Variants in DOCK10 observed in about 807,000 individuals in gnomAD.
DOCK10 encodes dedicator of cytokinesis protein 10.
Under a neutral mutation model 280.1 loss-of-function variants are expected in DOCK10, and 145 were observed. The ratio of observed to expected loss-of-function variants is 0.52; its 90% CI spans 0.45 to 0.59. The LOEUF is 0.59. Among genes scored for constraint, DOCK10 ranks in the 20% least tolerant of loss-of-function variants. The pLI, the probability that DOCK10 is intolerant of heterozygous loss-of-function variation, is 0.00. For missense variants in DOCK10, 2,368 were observed against 2,651.7 expected, an observed-to-expected ratio of 0.89 and a Z score of 2.35; for synonymous variants, 915 against 942.2, an observed-to-expected ratio of 0.97 and a Z score of 0.53.
chr2:224,875,992 A>G lies in DOCK10; in HGVS notation c.931+46T>C, dbSNP rs534548222. On this transcript the variant is annotated intron_variant, in intron 8 of 55. Coordinates refer to ENST00000258390, the MANE Select transcript of DOCK10 (RefSeq NM_014689.3). ...AGCAGCTTTAGTGAACCAAAAACAC[A>G]GGTCACACTGGACAAAGGAAGGAAG... The G allele has an allele frequency of 2.0e-5, 32 of 1,568,898 alleles. No homozygotes were observed. In the South Asian group the frequency reaches 2.2e-4, roughly 11 times the overall value.
Position 224,816,668 on chromosome 2 carries a change from G to C in DOCK10, c.3313C>G (p.His1105Asp). The change falls in exon 30 of 56, where the codon CAT (histidine) becomes GAT (aspartate). Residue 1105 changes from histidine (H) to aspartate (D), a missense_variant. Physicochemically the swap from His to Asp is moderately conservative, Grantham distance 81. Coordinates refer to ENST00000258390, the MANE Select transcript of DOCK10 (RefSeq NM_014689.3). ...AGACACAAAGGGATAAAGTGTTCAT[G>C]TTGACATACTTCTTGAAGAAAATCA... ...KFDFLQEVCQ[H>D]EHFIPLCLPI... 1.2e-6 allele frequency: 2 copies of C among 1,609,094 alleles called. No individual in the cohort carries two copies. The highest frequency in any genetic ancestry group is 1.7e-6 in the Non-Finnish European group (2 of 1,177,196).
At chr2:224,961,734 CCACCT>C (rs1245317716) in intron 1 of DOCK10, among the ~76,000 whole-genome samples, 2 of 151,646 alleles carry the variant, frequency 1.3e-5, no homozygotes, top group African/African-American at 4.9e-5. Context: ...CTTGATGTCT[CCACCT>C]TGTGATCTGC....
intron 29 of DOCK10, among the ~76,000 whole-genome samples, chr2:224,818,774 A>T (rs960057842): frequency 6.6e-6 from 1 of 152,132 alleles, no homozygotes; most frequent in Non-Finnish European, 1.5e-5. Flanking sequence ...TTTCCAATCA[A>T]TTCCCTTTTG....
intron 1 of DOCK10, among the ~76,000 whole-genome samples, chr2:225,001,995 C>A (rs866130120): frequency 6.6e-6 from 1 of 152,114 alleles, no homozygotes; most frequent in East Asian, 1.9e-4. Context: ...GATGGTAAGG[C>A]GACACACATA....
chr2:224,949,529 G>A (rs570405523), intron 1 of DOCK10, among the ~76,000 whole-genome samples: 1 of 152,358 alleles, frequency 6.6e-6, no homozygotes, highest in African/African-American at 2.4e-5. Context: ...GGAGTCTGGG[G>A]AAGCTTTATA....
chr2:224,888,587 G>T (rs1461130969), intron 4 of DOCK10, among the ~76,000 whole-genome samples: 1 of 151,836 alleles, frequency 6.6e-6, no homozygotes, highest in African/African-American at 2.4e-5. Flanking sequence ...ATATACGTGT[G>T]TGAATATATA....
chr2:224,854,475 G>A (rs879614632), intron 16 of DOCK10, among the ~76,000 whole-genome samples: 2 of 152,180 alleles, frequency 1.3e-5, no homozygotes, highest in African/African-American at 2.4e-5. Context: ...GAGTGGCTAC[G>A]CAGTGTTCAG....
At chr2:224,880,361 G>A (rs1486286976) in intron 7 of DOCK10, among the ~76,000 whole-genome samples, 4 of 152,234 alleles carry the variant, frequency 2.6e-5, no homozygotes, top group Admixed American at 1.3e-4. Flanking sequence ...AGTGGTTTTC[G>A]ATCTTGCTGT....
chr2:224,839,045 T>C (rs1437299971), intron 24 of DOCK10, among the ~76,000 whole-genome samples: 9 of 152,062 alleles, frequency 5.9e-5, no homozygotes, highest in Non-Finnish European at 7.4e-5. Flanking sequence ...AAACGAAGAC[T>C]TATGTTTACA....
intron 1 of DOCK10, among the ~76,000 whole-genome samples, chr2:224,952,400 G>C (rs1703787571): frequency 6.6e-6 from 1 of 152,030 alleles, no homozygotes; most frequent in Admixed American, 6.5e-5. Context: ...ATGGAAAATT[G>C]GCTTCTAGAT....
intron 1 of DOCK10, among the ~76,000 whole-genome samples, chr2:224,988,987 T>C (rs913766801): frequency 6.6e-6 from 1 of 152,182 alleles, no homozygotes; most frequent in Admixed American, 6.5e-5. Flanking sequence ...GAAAAGAGGC[T>C]ACTTTGGGTC....
rs537447121 is a variant in DOCK10, at chr2:224,823,323, GA to G, written c.3183+177del. 6.0e-3 allele frequency among the ~76,000 whole-genome samples: 889 copies of G among 148,014 alleles called. 6 individuals are homozygous for G. Among genetic ancestry groups the G allele is most frequent in the South Asian group, 0.023 (106 of 4,648 alleles). On this transcript the variant is annotated intron_variant, in intron 28 of 55. Transcript: ENST00000258390. ...TCTTTATTCAATAAGACTTCAAATT[GA>G]AAAAAAAAATTAAAAAGTATTTCAA...
intron 3 of DOCK10, among the ~76,000 whole-genome samples, chr2:224,899,292 A>G (rs1700161067): frequency 6.6e-6 from 1 of 152,218 alleles, no homozygotes; most frequent in African/African-American, 2.4e-5. Context: ...AGAATAAAAT[A>G]TTATCCCCTA....
chr2:224,777,208 G>A (rs148603577), intron 51 of DOCK10, among the ~76,000 whole-genome samples: 354 of 152,208 alleles, frequency 2.3e-3, no homozygotes, highest in Non-Finnish European at 2.9e-3. Flanking sequence ...AAAGGTTAAT[G>A]TAATGTAATG....
intron 3 of DOCK10, among the ~76,000 whole-genome samples, chr2:224,913,119 A>C (rs1701127927): frequency 6.6e-6 from 1 of 152,188 alleles, no homozygotes; most frequent in Non-Finnish European, 1.5e-5. Context: ...ACAAAATATA[A>C]ATGTGAAAAA....
At chr2:224,984,056 T>A (rs1575148787) in intron 1 of DOCK10, among the ~76,000 whole-genome samples, 1 of 152,204 alleles carries the variant, frequency 6.6e-6, no homozygotes, top group South Asian at 2.1e-4. Context: ...TCTTTTCAAA[T>A]AGGACAGTTC....
chr2:224,805,212 A>C lies in DOCK10; in HGVS notation c.4045T>G (p.Ser1349Ala), dbSNP rs1281672679. 3.1e-6 allele frequency: 5 copies of C among 1,609,380 alleles called. No homozygotes were observed. Among genetic ancestry groups the C allele is most frequent in the Non-Finnish European group, 4.2e-6 (5 of 1,178,360 alleles). The stretch of plus-strand genomic sequence containing the variant: ...ATTAAAGAATTCTCTTTACCGTACG[A>C]AATCGTTTTCATAATGTGAAGAAAA... The part of the protein sequence containing the change: ...MCFLHIMKTI[S>A]YETLIAYWQR... The change falls in exon 36 of 56, where the codon TCG becomes GCG. Residue 1349 changes from serine (S) to alanine (A), a missense_variant. Physicochemically the swap from Ser to Ala is moderately conservative, Grantham distance 99 (BLOSUM62 1). Coordinates refer to ENST00000258390, the MANE Select transcript of DOCK10 (RefSeq NM_014689.3). This position sits in a 1 kb window ranked among gnomAD's most constrained non-coding sequence, Gnocchi z 4.3.
Position 224,890,477 on chromosome 2 carries a change from T to C in DOCK10, c.417-3946A>G, listed in dbSNP as rs150282262. On this transcript the variant is annotated intron_variant, in intron 4 of 55. Transcript: ENST00000258390. ...TGGAACTAATGACTGAGATAGACTA[T>C]AAATTTCACAAAAAAGCCCATAGAT... Among the ~76,000 whole-genome samples the C allele has an allele frequency of 2.5e-4, 38 of 152,290 alleles. No individual in the cohort carries two copies. In the East Asian group the frequency reaches 7.3e-3, roughly 29 times the overall value.
At chr2:225,036,780 G>C (rs1690271110) in intron 1 of DOCK10, among the ~76,000 whole-genome samples, 3 of 152,088 alleles carry the variant, frequency 2.0e-5, no homozygotes, top group Admixed American at 2.0e-4. Context: ...GGCTGATGGT[G>C]TTTTCCTCTT....
Sources: allele counts gnomAD v4.1 joint callset (sites outside exome capture counted in the v4.1 genomes callset), GRCh38; gene constraint gnomAD v4.1.1; non-coding constraint Gnocchi (gnomAD v3.1); transcripts MANE v1.5; gene names NCBI Gene and HGNC (gene_info 2026-07-23, HGNC 2026-07-21).